Variants in PTPRK observed in about 807,000 individuals in gnomAD.
PTPRK encodes the protein receptor-type tyrosine-protein phosphatase kappa.
Under a neutral mutation model 178.0 loss-of-function variants are expected in PTPRK, and 75 were observed. The ratio of observed to expected loss-of-function variants is 0.42; its 90% confidence interval spans 0.35 to 0.51. The LOEUF (loss-of-function observed/expected upper bound fraction) is 0.51. Among genes scored for constraint, PTPRK ranks in the 20% least tolerant of loss-of-function variants. PTPRK has a pLI of 0.02. For synonymous variants in PTPRK, 637 were observed against 620.6 expected (o/e 1.03, Z -0.39); for missense variants, 1,441 against 1,797.8 (o/e 0.80, Z 3.59).
chr6:128,350,065 A>G (rs1484666516), intron 2 of PTPRK, among the ~76,000 whole-genome samples: 1 of 152,148 alleles, frequency 6.6e-6, no homozygotes, highest in Non-Finnish European at 1.5e-5. Context: ...TAAGAAAACT[A>G]TGTACTAAGT....
At chr6:128,311,523 G>A (rs1488107787) in intron 3 of PTPRK, among the ~76,000 whole-genome samples, 1 of 152,110 alleles carries the variant, frequency 6.6e-6, no homozygotes, top group Non-Finnish European at 1.5e-5. Context: ...GTGGGCCAGA[G>A]AGAGCAGTAT....
At chr6:128,045,706 TATTA>T (rs1178759255) in intron 13 of PTPRK, among the ~76,000 whole-genome samples, 11 of 152,098 alleles carry the variant, frequency 7.2e-5, no homozygotes, top group African/African-American at 2.7e-4. Context: ...TGAATAACAA[TATTA>T]ATTAATTCAG....
At chr6:128,480,849 A>G (rs1284367749) in intron 1 of PTPRK, among the ~76,000 whole-genome samples, 1 of 152,208 alleles carries the variant, frequency 6.6e-6, no homozygotes, top group Admixed American at 6.5e-5. Flanking sequence ...CATACATCAC[A>G]GGGAACAAAA....
intron 7 of PTPRK, among the ~76,000 whole-genome samples, chr6:128,177,745 T>C (rs909192079): frequency 1.3e-5 from 2 of 151,828 alleles, no homozygotes; most frequent in East Asian, 3.9e-4. Flanking sequence ...TCAACTTTCA[T>C]GACTCTTATG....
At chr6:128,409,963 T>C (rs574104135) in intron 1 of PTPRK, among the ~76,000 whole-genome samples, 1 of 152,318 alleles carries the variant, frequency 6.6e-6, no homozygotes, top group African/African-American at 2.4e-5. Context: ...CTAATACACA[T>C]GTTAAATGTA....
At chr6:128,425,005 G>A (rs972306619) in intron 1 of PTPRK, among the ~76,000 whole-genome samples, 1 of 149,842 alleles carries the variant, frequency 6.7e-6, no homozygotes, top group Non-Finnish European at 1.5e-5. Flanking sequence ...ACATGAATAA[G>A]TTCTTTAGCG....
At chr6:128,252,812 A>C (rs925657264) in intron 3 of PTPRK, among the ~76,000 whole-genome samples, 5 of 152,198 alleles carry the variant, frequency 3.3e-5, no homozygotes, top group Non-Finnish European at 7.3e-5. Context: ...TATTATACAC[A>C]AATTAGGAGG....
In PTPRK at chr6:128,124,379, T is replaced by C. The variant is rs1285913043; in HGVS notation, c.1163-34387A>G. Among the ~76,000 whole-genome samples the C allele has an allele frequency of 3.3e-5, 5 of 152,260 alleles. No individual in the cohort carries two copies. The South Asian group carries it at 1.0e-3, about 32-fold the overall frequency. Reference sequence around the variant, plus strand: ...ATTAATTCTTAATCACACCTGTCCTTAGTCCTTAATCATATAAACATATCT... The same window carrying C: ...ATTAATTCTTAATCACACCTGTCCTCAGTCCTTAATCATATAAACATATCT... On this transcript the variant is annotated intron_variant, in intron 7 of 29. Coordinates refer to ENST00000368226, the MANE Select transcript of PTPRK (RefSeq NM_002844.4).
intron 4 of PTPRK, among the ~76,000 whole-genome samples, chr6:128,241,015 C>T (rs1814320445): frequency 6.6e-6 from 1 of 152,150 alleles, no homozygotes; most frequent in Non-Finnish European, 1.5e-5. Flanking sequence ...CTTATGAAAG[C>T]CTTTCCTTAA....
At chr6:128,246,853 G>A (rs1034507170) in intron 3 of PTPRK, among the ~76,000 whole-genome samples, 9 of 152,200 alleles carry the variant, frequency 5.9e-5, no homozygotes, top group Admixed American at 1.3e-4. Flanking sequence ...TGAAGGTGAT[G>A]ATTCTAATCA....
intron 1 of PTPRK, chr6:128,472,778 C>T (rs1472416017): frequency 3.7e-5 from 9 of 240,196 alleles, no homozygotes; most frequent in Non-Finnish European, 7.4e-5. Flanking sequence ...TGATACACCA[C>T]AGTTATATAA....
chr6:128,173,100 AC>A (rs769473932), intron 7 of PTPRK, among the ~76,000 whole-genome samples: 6 of 152,020 alleles, frequency 3.9e-5, no homozygotes, highest in Non-Finnish European at 8.8e-5. Flanking sequence ...ATAAAAACCA[AC>A]AGTAAACTAC....
At chr6:128,446,603 A>G (rs1423061544) in intron 1 of PTPRK, among the ~76,000 whole-genome samples, 1 of 152,250 alleles carries the variant, frequency 6.6e-6, no homozygotes, top group Non-Finnish European at 1.5e-5. Context: ...CAGAAGCCGT[A>G]GCACAGACAA....
chr6:128,378,299 T>C (rs1047080274), intron 2 of PTPRK, among the ~76,000 whole-genome samples: 7 of 152,136 alleles, frequency 4.6e-5, no homozygotes, highest in Admixed American at 2.6e-4. Context: ...GGATGTTTGA[T>C]GCAGCATTAA....
chr6:128,341,214 C>G (rs924258515), intron 2 of PTPRK, among the ~76,000 whole-genome samples: 1 of 151,922 alleles, frequency 6.6e-6, no homozygotes, highest in Non-Finnish European at 1.5e-5. Flanking sequence ...AACACAAATG[C>G]AAATAATGCC....
intron 2 of PTPRK, among the ~76,000 whole-genome samples, chr6:128,386,420 G>A (rs1275307315): frequency 1.3e-5 from 2 of 152,064 alleles, no homozygotes; most frequent in Non-Finnish European, 1.5e-5. Context: ...ATAGGGTCCC[G>A]GCCTGAGAGG....
At chr6:128,296,956 C>G (rs1480683275) in intron 3 of PTPRK, among the ~76,000 whole-genome samples, 1 of 151,802 alleles carries the variant, frequency 6.6e-6, no homozygotes, top group Non-Finnish European at 1.5e-5. Flanking sequence ...CAAGACCCAT[C>G]AGTGTGCTGT....
chr6:128,329,891 C>T (rs1830044381), intron 2 of PTPRK, among the ~76,000 whole-genome samples: 2 of 152,164 alleles, frequency 1.3e-5, no homozygotes, highest in Non-Finnish European at 2.9e-5. Context: ...TTCTTCCACT[C>T]TAGTCTCTCA....
chr6:128,367,265 G>A (rs766564677), intron 2 of PTPRK, among the ~76,000 whole-genome samples: 34 of 152,160 alleles, frequency 2.2e-4, no homozygotes, highest in Non-Finnish European at 5.0e-4. Flanking sequence ...AATTGGCGAC[G>A]CTGAATTATC....
Sources: gnomAD v4.1 joint callset for allele counts (sites outside exome capture counted in the v4.1 genomes callset) on GRCh38, gnomAD v4.1.1 for gene constraint, MANE v1.5 for transcripts, NCBI Gene and HGNC (gene_info 2026-07-23, HGNC 2026-07-21) for gene names.